ZNF354B: variants seen among roughly 807,000 people sequenced by gnomAD.
ZNF354B encodes zinc finger protein 354B.
Under a neutral mutation model 12.9 loss-of-function variants are expected in ZNF354B, and 10 were observed. The observed-to-expected ratio is 0.77, with a 90% CI of 0.48 to 1.31. ZNF354B has a LOEUF of 1.31. Ranked by LOEUF, ZNF354B falls within the 40% of genes most tolerant of loss-of-function variation. The pLI is 0.00. For synonymous variants in ZNF354B, 260 were observed against 243.7 expected, an observed-to-expected ratio of 1.07 and a Z score of -0.62; for missense variants, 614 against 711.7, an observed-to-expected ratio of 0.86 and a Z score of 1.56.
intron 4 of ZNF354B, 34 bp from the exon 5 acceptor site, chr5:178,882,675 C>T (rs1317061595): frequency 6.6e-7 from 1 of 1,518,010 alleles, no homozygotes. Context: ...TCACATGAAT[C>T]ATGGGCTGTT....
rs1461540902 is a variant in ZNF354B, at chr5:178,882,999, A to G, written c.547A>G (p.Lys183Glu). 1 of 1,607,522 alleles carries G rather than the reference A, an allele frequency of 6.2e-7. No individual in the cohort carries two copies. The highest frequency in any genetic ancestry group is 2.2e-5 in the East Asian group (1 of 44,816). ...FIKQQRFAKE[K>E]TPSKCEIQRN... is the part of the protein sequence containing the mutation. ...TAAGCAACAGAGATTTGCTAAAGAA[A>G]AAACTCCATCAAAATGTGAAATACA... The change falls in exon 5 of 5, where the codon AAA becomes GAA. Residue 183 changes from lysine to glutamate, a missense_variant. Transcript: ENST00000322434.
At position 178,883,667 on chromosome 5, in the gene ZNF354B, C is replaced by T. The variant is rs201624865; in HGVS notation, c.1215C>T (p.Thr405=). The change falls in exon 5 of 5, where the codon ACC becomes ACT. Residue 405 remains threonine (T), a synonymous_variant. Coordinates refer to ENST00000322434, the MANE Select transcript of ZNF354B (RefSeq NM_058230.3). ...ASLIQHERIH[T]GEKPYRCNEC... ...TTATTCAACATGAAAGAATTCACAC[C>T]GGAGAAAAGCCCTATAGATGCAATG... 3.2e-5 allele frequency: 52 copies of T among 1,613,592 alleles called. No homozygotes were observed. Among genetic ancestry groups the T allele is most frequent in the East Asian group, 8.9e-5 (4 of 44,852 alleles).
chr5:178,870,499 C>T (rs1411940273), intron 4 of ZNF354B, among the ~76,000 whole-genome samples: 4 of 152,172 alleles, frequency 2.6e-5, no homozygotes, highest in African/African-American at 7.2e-5. Context: ...AGGCTGGTCT[C>T]GAACTTCTGA....
At chr5:178,863,061 C>G (rs1274785471) in intron 2 of ZNF354B, among the ~76,000 whole-genome samples, 2 of 152,188 alleles carry the variant, frequency 1.3e-5, no homozygotes, top group Non-Finnish European at 2.9e-5. Context: ...TGCAGATACA[C>G]AGTGGTTCAA....
rs1393250796 is a variant in ZNF354B, at chr5:178,884,534, C to G, written c.*243C>G. 2 of 375,014 alleles carry G rather than the reference C, an allele frequency of 5.3e-6. No homozygotes were observed. Among genetic ancestry groups the G allele is most frequent in the Non-Finnish European group, 9.4e-6 (2 of 213,408 alleles). 23.2% of individuals were successfully genotyped at this position (375,014 alleles called of 1,614,324 possible). On this transcript the variant is annotated 3_prime_UTR_variant, in exon 5 of 5. Transcript: ENST00000322434. ...AAGATAAAAGGTATGTTTATAAAATCTCTTTATATAATATATGCTATCTAT... is the reference window on the plus strand; with the variant it reads ...AAGATAAAAGGTATGTTTATAAAATGTCTTTATATAATATATGCTATCTAT...
chr5:178,874,179 A>G (rs1336923859), intron 4 of ZNF354B, among the ~76,000 whole-genome samples: 3 of 151,530 alleles, frequency 2.0e-5, no homozygotes, highest in Non-Finnish European at 2.9e-5. Context: ...CTGGTCTCGA[A>G]CTCCTGGCCT....
chr5:178,876,927 C>CTTTTTTTTTTTT (rs71589405), intron 4 of ZNF354B, among the ~76,000 whole-genome samples: 1 of 141,416 alleles, frequency 7.1e-6, no homozygotes. Context: ...TTTTTTATGC[C>CTTTTTTTTTTTT]TTTTTTTTTT....
At position 178,883,771 on chromosome 5, in the gene ZNF354B, G is replaced by A; in HGVS notation, c.1319G>A (p.Cys440Tyr). 6.2e-7 allele frequency: 1 copy of A among 1,614,120 alleles called. No homozygotes were observed. The highest frequency in any genetic ancestry group is 8.5e-7 in the Non-Finnish European group (1 of 1,179,990). ...CATACTGGAGAGAAATTGTATAATT[G>A]TAATGAATGTGGTAAAGCCTTAAGC... Reference protein sequence around the residue: ...IIHTGEKLYNCNECGKALSSH... With the variant: ...IIHTGEKLYNYNECGKALSSH... The change falls in exon 5 of 5, where the codon TGT becomes TAT. Residue 440 changes from cysteine (C) to tyrosine (Y), a missense_variant. Cys to Tyr is a radical substitution (Grantham distance 194). Transcript: ENST00000322434.
rs534406411 is a variant in ZNF354B, at chr5:178,866,285, G to C, written c.75G>C (p.Trp25Cys). 2 of 1,613,676 alleles carry C rather than the reference G, an allele frequency of 1.2e-6. No individual in the cohort carries two copies. The highest frequency in any genetic ancestry group is 2.2e-5 in the East Asian group (1 of 44,872). Residue 25 changes from tryptophan to cysteine, a missense_variant, in exon 3 of 5, where the codon TGG becomes TGC. Physicochemically the swap from Trp to Cys is radical, Grantham distance 215. Coordinates refer to ENST00000322434, the MANE Select transcript of ZNF354B (RefSeq NM_058230.3). Reference protein sequence around the residue: ...TFEDVAVLFTWDEWRKLAPSQ... With the variant: ...TFEDVAVLFTCDEWRKLAPSQ... Reference sequence around the variant, plus strand: ...AGGACGTGGCTGTGCTCTTTACCTGGGATGAGTGGAGAAAGCTGGCTCCTT... The same window carrying C: ...AGGACGTGGCTGTGCTCTTTACCTGCGATGAGTGGAGAAAGCTGGCTCCTT...
chr5:178,863,914 A>G (rs930545806), intron 2 of ZNF354B, among the ~76,000 whole-genome samples: 2 of 152,254 alleles, frequency 1.3e-5, no homozygotes, highest in African/African-American at 4.8e-5. Flanking sequence ...AAGCTTATAA[A>G]ATAAGGATAT....
Position 178,883,537 on chromosome 5 carries a change from C to A in ZNF354B, c.1085C>A (p.Thr362Asn). ...TACTTATGTAATGAATGTGGCAACA[C>A]CTTTAAGTCTAGCTCATCCCTTCGT... The part of the protein sequence containing the change: ...KSYLCNECGN[T>N]FKSSSSLRYH... The change falls in exon 5 of 5, where the codon ACC becomes AAC. Residue 362 changes from threonine to asparagine, a missense_variant. By Grantham distance (65) the Thr-to-Asn change is moderately conservative. Coordinates refer to ENST00000322434, the MANE Select transcript of ZNF354B (RefSeq NM_058230.3). 1 of 1,614,094 alleles carries A rather than the reference C, an allele frequency of 6.2e-7. No individual in the cohort carries two copies. Among genetic ancestry groups the A allele is most frequent in the South Asian group, 1.1e-5 (1 of 91,078 alleles).
chr5:178,870,886 T>C (rs1181813858), intron 4 of ZNF354B, among the ~76,000 whole-genome samples: 1 of 151,814 alleles, frequency 6.6e-6, no homozygotes, highest in Non-Finnish European at 1.5e-5. Context: ...CTTTGAACTC[T>C]TGGCCTCAAG....
chr5:178,872,781 C>CT (rs959827298), intron 4 of ZNF354B, among the ~76,000 whole-genome samples: 5 of 152,038 alleles, frequency 3.3e-5, no homozygotes, highest in Admixed American at 2.6e-4. Flanking sequence ...TTTGTATTTC[C>CT]TTTTTTTTAT....
chr5:178,861,226 T>C, intron 2 of ZNF354B, 146 bp downstream of exon 2: 1 of 1,100,686 alleles, frequency 9.1e-7, no homozygotes, highest in Non-Finnish European at 1.4e-6. Flanking sequence ...GTGGATTCTG[T>C]AGGGAGGACC....
intron 4 of ZNF354B, among the ~76,000 whole-genome samples, chr5:178,867,814 T>C (rs928064671): frequency 2.6e-5 from 4 of 152,112 alleles, no homozygotes; most frequent in African/African-American, 7.2e-5. Context: ...TGGAATGGGA[T>C]TGAGAATGGG....
chr5:178,874,936 A>C (rs1240682924), intron 4 of ZNF354B, among the ~76,000 whole-genome samples: 4 of 152,200 alleles, frequency 2.6e-5, no homozygotes, highest in Admixed American at 2.0e-4. Flanking sequence ...CCAGTGTTTT[A>C]TGCAGGGTGT....
intron 4 of ZNF354B, among the ~76,000 whole-genome samples, chr5:178,879,005 G>C (rs1453982310): frequency 6.6e-6 from 1 of 150,710 alleles, no homozygotes; most frequent in Non-Finnish European, 1.5e-5. Flanking sequence ...CCGGCTGAAA[G>C]TATGTTTTTA....
At chr5:178,877,229 G>A (rs547727306) in intron 4 of ZNF354B, among the ~76,000 whole-genome samples, 1 of 152,228 alleles carries the variant, frequency 6.6e-6, no homozygotes, top group East Asian at 1.9e-4. Context: ...AGTTGCAGGG[G>A]TGTGATCTCA....
At chr5:178,864,533 GAAAAT>G (rs1342197522) in intron 2 of ZNF354B, among the ~76,000 whole-genome samples, 1 of 152,042 alleles carries the variant, frequency 6.6e-6, no homozygotes, top group Non-Finnish European at 1.5e-5. Context: ...ATGTACAATA[GAAAAT>G]AAAATCACCC....
Sources: gnomAD v4.1 joint callset for allele counts (sites outside exome capture counted in the v4.1 genomes callset) on GRCh38, gnomAD v4.1.1 for gene constraint, MANE v1.5 for transcripts, NCBI Gene and HGNC (gene_info 2026-07-23, HGNC 2026-07-21) for gene names.